The following CCSER1 variants were observed in gnomAD, a reference collection of about 807,000 sequenced individuals.
CCSER1 encodes the protein coiled-coil serine rich protein 1.
A neutral mutation model predicts 82.0 loss-of-function variants in CCSER1; 41 were observed. The ratio of observed to expected loss-of-function variants is 0.50; its 90% confidence interval spans 0.39 to 0.65. CCSER1 has a LOEUF of 0.65. Ranked by LOEUF, CCSER1 falls within the 30% of genes least tolerant of loss-of-function variation. The pLI is 0.00. For synonymous variants in CCSER1, 414 were observed against 383.9 expected (o/e 1.08, Z -0.92); for missense variants, 1,119 against 1,064.2 (o/e 1.05, Z -0.72).
chr4:90,384,537 C>T (rs939952917), intron 3 of CCSER1, among the ~76,000 whole-genome samples: 11 of 151,882 alleles, frequency 7.2e-5, no homozygotes, highest in African/African-American at 2.7e-4. Flanking sequence ...GAAGAATGGG[C>T]TAGGTGATTT....
In CCSER1 at chr4:91,266,947, T is replaced by C. The variant is rs139728791; in HGVS notation, c.2217+180953T>C. Among the ~76,000 whole-genome samples the C allele has an allele frequency of 4.2e-3, 633 of 152,296 alleles. 4 individuals are homozygous for C. The highest frequency in any genetic ancestry group is 0.014 in the African/African-American group (599 of 41,568). On this transcript the variant is annotated intron_variant, in intron 10 of 10. Coordinates refer to ENST00000509176, the MANE Select transcript of CCSER1 (RefSeq NM_001145065.2). ...GCTCCTGAATATTTTGCATGCCTGA[T>C]TCCAGATAATTGGAAAATTGCTGCA...
intron 1 of CCSER1, among the ~76,000 whole-genome samples, chr4:90,154,025 T>G (rs1362782929): frequency 6.6e-6 from 1 of 152,230 alleles, no homozygotes; most frequent in East Asian, 1.9e-4. Flanking sequence ...AACGTTTAAG[T>G]CTTTAATCCA....
At chr4:90,465,413 C>T (rs1220503212) in intron 4 of CCSER1, among the ~76,000 whole-genome samples, 1 of 151,626 alleles carries the variant, frequency 6.6e-6, no homozygotes, top group Non-Finnish European at 1.5e-5. Context: ...CTCAGCCTCC[C>T]CGGTTCAAGC....
At chr4:91,299,139 CA>C (rs1744461953) in intron 10 of CCSER1, among the ~76,000 whole-genome samples, 1 of 151,922 alleles carries the variant, frequency 6.6e-6, no homozygotes, top group Admixed American at 6.6e-5. Flanking sequence ...TGGTTATAGG[CA>C]TATATTAAAA....
chr4:90,875,210 G>A (rs375833090), intron 8 of CCSER1, among the ~76,000 whole-genome samples: 8 of 152,178 alleles, frequency 5.3e-5, no homozygotes, highest in Middle Eastern at 3.4e-3. Context: ...GAACAATTAC[G>A]TGTTGCACAT....
At chr4:91,097,718 G>A (rs938134440) in intron 10 of CCSER1, among the ~76,000 whole-genome samples, 2 of 152,104 alleles carry the variant, frequency 1.3e-5, no homozygotes, top group African/African-American at 4.8e-5. Context: ...GATGATATTT[G>A]TGTGATCATG....
chr4:90,773,164 C>T lies in CCSER1; in HGVS notation c.2011-42598C>T, dbSNP rs763957548. 7.9e-5 allele frequency among the ~76,000 whole-genome samples: 12 copies of T among 152,260 alleles called. No individual in the cohort carries two copies. In the South Asian group the frequency reaches 1.7e-3, roughly 21 times the overall value. ...CTGAGGAAGGAGAATTGCTTGAACC[C>T]AGGAGATGGAGGTTGCGGTTAGCCG... is the stretch of plus-strand genomic sequence containing the variant. On this transcript the variant is annotated intron_variant, in intron 7 of 10. Coordinates refer to ENST00000509176, the MANE Select transcript of CCSER1 (RefSeq NM_001145065.2).
intron 5 of CCSER1, among the ~76,000 whole-genome samples, chr4:90,592,351 A>G (rs913724922): frequency 1.3e-5 from 2 of 152,164 alleles, no homozygotes; most frequent in Non-Finnish European, 2.9e-5. Context: ...ACGGCATTAG[A>G]CTTTGAGTCA....
At chr4:91,106,869 T>G (rs1298739894) in intron 10 of CCSER1, among the ~76,000 whole-genome samples, 1 of 152,164 alleles carries the variant, frequency 6.6e-6, no homozygotes, top group Non-Finnish European at 1.5e-5. Context: ...ATTGACAATG[T>G]GGTATAATTT....
chr4:90,479,438 T>C (rs1296736025), intron 5 of CCSER1, among the ~76,000 whole-genome samples: 1 of 152,182 alleles, frequency 6.6e-6, no homozygotes, highest in Non-Finnish European at 1.5e-5. Context: ...TGCAGGTTTG[T>C]TACATATATA....
intron 1 of CCSER1, among the ~76,000 whole-genome samples, chr4:90,271,863 T>TATATATATATATATATATA (rs61116868): frequency 1.1e-3 from 21 of 19,746 alleles, no homozygotes; most frequent in African/African-American, 2.2e-3. Context: ...TATATATATA[T>TATATATATATATATATATA]TTTTTTTTTT....
In CCSER1 at chr4:90,309,033, A is replaced by G; in HGVS notation, c.749A>G (p.Asp250Gly). 1.2e-6 allele frequency: 2 copies of G among 1,613,830 alleles called. No individual in the cohort carries two copies. The highest frequency in any genetic ancestry group is 1.7e-5 in the Admixed American group (1 of 60,000). ...TTACAATCTCCTTTGCTTTCTGCTG[A>G]TCTTACCACAGCTCAGACACCTTCA... Reference protein sequence around the residue: ...SSLQSPLLSADLTTAQTPSEF... With the variant: ...SSLQSPLLSAGLTTAQTPSEF... Residue 250 changes from aspartate (D) to glycine (G), a missense_variant, in exon 2 of 11, where the codon GAT (aspartate) becomes GGT (glycine). Asp to Gly is a moderately conservative substitution (Grantham distance 94). Coordinates refer to ENST00000509176, the MANE Select transcript of CCSER1 (RefSeq NM_001145065.2).
Position 91,231,736 on chromosome 4 carries a change from T to C in CCSER1, c.2217+145742T>C, listed in dbSNP as rs182880214. On this transcript the variant is annotated intron_variant, in intron 10 of 10. Coordinates refer to ENST00000509176, the MANE Select transcript of CCSER1 (RefSeq NM_001145065.2). ...TTTATGAATTCATGTAAAAGACATATGTATCTGTATTTAACATTAAAATCA... is the reference window on the plus strand; with the variant it reads ...TTTATGAATTCATGTAAAAGACATACGTATCTGTATTTAACATTAAAATCA... 1.8e-4 allele frequency among the ~76,000 whole-genome samples: 28 copies of C among 151,940 alleles called. 1 individual carries two copies. The East Asian group carries it at 4.6e-3, about 25-fold the overall frequency.
rs1756954874 is a variant in CCSER1 at position 91,467,061 on chromosome 4, C to G, written c.2218-131511C>G. 2.0e-5 allele frequency among the ~76,000 whole-genome samples: 3 copies of G among 152,130 alleles called. No individual in the cohort carries two copies. The South Asian group carries it at 6.2e-4, about 32-fold the overall frequency. On this transcript the variant is annotated intron_variant, in intron 10 of 10. Coordinates refer to ENST00000509176, the MANE Select transcript of CCSER1 (RefSeq NM_001145065.2). ...CCACATTGCCAAGACAATCCTAAGCCAAAAGAACAAAGCTGGAGGCATCAT... is the reference window on the plus strand; with the variant it reads ...CCACATTGCCAAGACAATCCTAAGCGAAAAGAACAAAGCTGGAGGCATCAT...
At chr4:91,424,001 CTTTTTTTTTTTTTTT>C (rs1167472932) in intron 10 of CCSER1, among the ~76,000 whole-genome samples, 3 of 77,454 alleles carry the variant, frequency 3.9e-5, no homozygotes, top group African/African-American at 1.1e-4. Context: ...CTCAGCAGAT[CTTTTTTTTTTTTTTT>C]TTTTTTTTTT....
At chr4:90,751,660 G>T (rs975943318) in intron 7 of CCSER1, among the ~76,000 whole-genome samples, 3 of 151,968 alleles carry the variant, frequency 2.0e-5, no homozygotes, top group African/African-American at 7.2e-5. Flanking sequence ...TCTATTGTTT[G>T]CTTGGTGTTG....
intron 6 of CCSER1, among the ~76,000 whole-genome samples, chr4:90,665,529 G>C (rs1324299762): frequency 6.6e-6 from 1 of 152,026 alleles, no homozygotes; most frequent in Non-Finnish European, 1.5e-5. Flanking sequence ...CACTGTGTTA[G>C]CCAGGATGGT....
intron 9 of CCSER1, among the ~76,000 whole-genome samples, chr4:90,947,454 A>G (rs1199616483): frequency 1.3e-5 from 2 of 152,326 alleles, no homozygotes; most frequent in East Asian, 3.9e-4. Context: ...AACATTATTT[A>G]CACCATATTC....
chr4:91,053,665 G>A (rs1221257961), intron 9 of CCSER1, among the ~76,000 whole-genome samples: 4 of 152,148 alleles, frequency 2.6e-5, no homozygotes, highest in Non-Finnish European at 5.9e-5. Flanking sequence ...TCCATCCCCA[G>A]ATGCAATCAC....
Sources: gnomAD v4.1 joint callset for allele counts (sites outside exome capture counted in the v4.1 genomes callset) on GRCh38, gnomAD v4.1.1 for gene constraint, MANE v1.5 for transcripts, NCBI Gene and HGNC (gene_info 2026-07-23, HGNC 2026-07-21) for gene names.